The following GALNT13 variants were observed in gnomAD, a reference collection of about 807,000 sequenced individuals.
The protein encoded by GALNT13 is polypeptide N-acetylgalactosaminyltransferase 13.
Under a neutral mutation model 64.2 loss-of-function variants are expected in GALNT13, and 28 were observed. That is an observed-to-expected ratio of 0.44 (90% CI 0.32 to 0.60). The LOEUF is 0.60. GALNT13 is among the 20% of genes least tolerant of loss of function. GALNT13 has a pLI of 0.05. For synonymous variants in GALNT13, 214 were observed against 224.6 expected (o/e 0.95, Z 0.42); for missense variants, 577 against 669.8 (o/e 0.86, Z 1.53).
chr2:153,209,815 T>C, the GALNT13 span, among the ~76,000 whole-genome samples: 4 of 152,148 alleles, frequency 2.6e-5, no homozygotes, highest in Non-Finnish European at 4.4e-5. Context: ...AGTGTTTCTT[T>C]GTATTTACTT....
intron 4 of GALNT13, among the ~76,000 whole-genome samples, chr2:154,212,215 G>T (rs1270806998): frequency 6.6e-6 from 1 of 151,990 alleles, no homozygotes; most frequent in Non-Finnish European, 1.5e-5. Flanking sequence ...GGGTGCAGGG[G>T]GTAGGGGGTA....
At chr2:153,510,636 C>G in the GALNT13 span, among the ~76,000 whole-genome samples, 1 of 152,150 alleles carries the variant, frequency 6.6e-6, no homozygotes, top group Non-Finnish European at 1.5e-5. Flanking sequence ...AACTCACCTT[C>G]AGCGATTCTG....
intron 9 of GALNT13, among the ~76,000 whole-genome samples, chr2:154,395,635 C>G (rs1195363103): frequency 6.6e-5 from 10 of 152,036 alleles, no homozygotes; most frequent in Non-Finnish European, 1.2e-4. Context: ...AACATTGGCA[C>G]TACTAGAATT....
At chr2:153,511,512 G>A in the GALNT13 span, among the ~76,000 whole-genome samples, 3 of 152,118 alleles carry the variant, frequency 2.0e-5, no homozygotes, top group Non-Finnish European at 4.4e-5. Flanking sequence ...AGGGGAATGC[G>A]TTAGAGGTCT....
At chr2:153,862,700 T>A in the GALNT13 span, among the ~76,000 whole-genome samples, 1 of 152,186 alleles carries the variant, frequency 6.6e-6, no homozygotes, top group Non-Finnish European at 1.5e-5. Context: ...CAAAGAAATA[T>A]ACATATGATG....
chr2:153,413,514 T>C, the GALNT13 span, among the ~76,000 whole-genome samples: 1 of 152,192 alleles, frequency 6.6e-6, no homozygotes, highest in Non-Finnish European at 1.5e-5. Context: ...TATTTAGCAT[T>C]GACTAATTTC....
At chr2:154,070,743 C>T (rs1451527966) in intron 3 of GALNT13, among the ~76,000 whole-genome samples, 1 of 151,744 alleles carries the variant, frequency 6.6e-6, no homozygotes, top group African/African-American at 2.4e-5. Flanking sequence ...CATGGTGAAA[C>T]CCCATCTCTA....
chr2:153,249,616 A>T, the GALNT13 span, among the ~76,000 whole-genome samples: 1 of 152,318 alleles, frequency 6.6e-6, no homozygotes, highest in African/African-American at 2.4e-5. Context: ...ATACTACCTG[A>T]CTTCAAACTA....
the GALNT13 span, among the ~76,000 whole-genome samples, chr2:153,141,108 A>AGCCTTGACTCCAAG: frequency 4.7e-5 from 7 of 147,664 alleles, no homozygotes; most frequent in South Asian, 2.3e-4. Context: ...CATATGTAAA[A>AGCCTTGACTCCAAG]TCAGGAAATA....
intron 2 of GALNT13, among the ~76,000 whole-genome samples, chr2:153,910,849 G>C (rs1169530110): frequency 6.6e-6 from 1 of 152,100 alleles, no homozygotes; most frequent in Non-Finnish European, 1.5e-5. Flanking sequence ...CTATTGTGTG[G>C]TTGATTTTAG....
chr2:153,957,826 A>G (rs1448046726), intron 3 of GALNT13, among the ~76,000 whole-genome samples: 2 of 152,142 alleles, frequency 1.3e-5, no homozygotes, highest in East Asian at 3.9e-4. Context: ...TGGCTTACCC[A>G]TATACTTTTT....
chr2:153,327,189 T>A, the GALNT13 span, among the ~76,000 whole-genome samples: 1 of 152,222 alleles, frequency 6.6e-6, no homozygotes, highest in African/African-American at 2.4e-5. Flanking sequence ...CTGATGGGCT[T>A]CCCTCTGTGG....
the GALNT13 span, among the ~76,000 whole-genome samples, chr2:153,363,561 T>A: frequency 2.0e-5 from 3 of 152,028 alleles, no homozygotes; most frequent in African/African-American, 7.2e-5. Flanking sequence ...ATATCACAAC[T>A]GACCCAACAG....
chr2:154,309,342 C>T (rs75069726), intron 9 of GALNT13, among the ~76,000 whole-genome samples: 9,451 of 152,188 alleles, frequency 0.062, 349 homozygotes, highest in African/African-American at 0.086. Context: ...TTCATCCAGA[C>T]AACCTACTGA....
chr2:153,179,779 A>G, the GALNT13 span, among the ~76,000 whole-genome samples: 1 of 152,194 alleles, frequency 6.6e-6, no homozygotes, highest in East Asian at 1.9e-4. Flanking sequence ...TTCCACAGAA[A>G]GTTTTTAATA....
rs140619779 is a variant in GALNT13 at position 154,391,464 on chromosome 2, A to G, written c.1157-4527A>G. ...CTGAATCAAATTGCATATTAACTAG[A>G]TTTTCTGGTGATGTGCCTTTAGTCT... On this transcript the variant is annotated intron_variant, in intron 9 of 12. Coordinates refer to ENST00000392825, the MANE Select transcript of GALNT13 (RefSeq NM_052917.4). Among the ~76,000 whole-genome samples the G allele has an allele frequency of 1.4e-3, 209 of 152,172 alleles. 1 individual carries two copies. Among genetic ancestry groups the G allele is most frequent in the African/African-American group, 4.8e-3 (198 of 41,512 alleles).
the GALNT13 span, among the ~76,000 whole-genome samples, chr2:153,554,173 A>G: frequency 6.6e-6 from 1 of 151,690 alleles, no homozygotes; most frequent in Admixed American, 6.6e-5. Context: ...AAAAAAAAAA[A>G]AAAATTAGCC....
chr2:154,198,527 C>T (rs1325398211), intron 4 of GALNT13, among the ~76,000 whole-genome samples: 2 of 151,786 alleles, frequency 1.3e-5, no homozygotes, highest in Admixed American at 6.6e-5. Context: ...ATGGATGTGA[C>T]TACCATCCTG....
the GALNT13 span, among the ~76,000 whole-genome samples, chr2:153,163,846 C>A: frequency 6.6e-6 from 1 of 151,922 alleles, no homozygotes; most frequent in African/African-American, 2.4e-5. Flanking sequence ...GGTGAAACCC[C>A]ATCTCTACTA....
Sources: allele counts gnomAD v4.1 joint callset (sites outside exome capture counted in the v4.1 genomes callset), GRCh38; gene constraint gnomAD v4.1.1; transcripts MANE v1.5; gene names NCBI Gene and HGNC (gene_info 2026-07-23, HGNC 2026-07-21).